MMP16: variants seen among roughly 807,000 people sequenced by gnomAD.
The protein encoded by MMP16 is matrix metallopeptidase 16, also known as matrix metalloproteinase-16.
Under a neutral mutation model 67.8 loss-of-function variants are expected in MMP16, and 12 were observed. That is an observed-to-expected ratio of 0.18 (90% CI 0.11 to 0.29). MMP16 has a LOEUF of 0.29. Among genes scored for constraint, MMP16 ranks in the 10% least tolerant of loss-of-function variants. MMP16 has a pLI of 1.00. For missense variants in MMP16, 475 were observed against 765.7 expected (o/e 0.62, Z 4.48); for synonymous variants, 249 against 255.9 (o/e 0.97, Z 0.26).
intron 1 of MMP16, among the ~76,000 whole-genome samples, chr8:88,242,915 C>T (rs1194381033): frequency 6.6e-6 from 1 of 152,046 alleles, no homozygotes; most frequent in Non-Finnish European, 1.5e-5. Context: ...GCATATATTA[C>T]CAAGACACTA....
chr8:88,268,631 G>A (rs920781382), intron 1 of MMP16, among the ~76,000 whole-genome samples: 4 of 152,142 alleles, frequency 2.6e-5, no homozygotes, highest in Non-Finnish European at 4.4e-5. Flanking sequence ...TTTTTCCTTA[G>A]TAGCCAATAT....
chr8:88,294,866 C>T (rs1563587179), intron 1 of MMP16, among the ~76,000 whole-genome samples: 1 of 152,138 alleles, frequency 6.6e-6, no homozygotes, highest in Non-Finnish European at 1.5e-5. Flanking sequence ...GTGCCTGCCA[C>T]CATGCCTGGC....
Position 88,327,435 on chromosome 8 carries a change from G to A in MMP16, c.-229C>T. The A allele has an allele frequency of 3.9e-6, 2 of 507,804 alleles. No homozygotes were observed. Among genetic ancestry groups the A allele is most frequent in the South Asian group, 2.0e-5 (1 of 51,152 alleles). 31.5% of individuals were successfully genotyped at this position (507,804 alleles called of 1,614,324 possible). On this transcript the variant is annotated 5_prime_UTR_variant, in exon 1 of 10. Transcript: ENST00000286614. ...GTAGTTCCTGTTCACCATCCTCCGGGGTCAGTCACCGGGAACGTGGCGCCT... is the reference window on the plus strand; with the variant it reads ...GTAGTTCCTGTTCACCATCCTCCGGAGTCAGTCACCGGGAACGTGGCGCCT...
rs754009962 is a variant in MMP16 at position 88,116,476 on chromosome 8, T to C, written c.1083+31A>G. 3 of 1,568,738 alleles carry C rather than the reference T, an allele frequency of 1.9e-6. No homozygotes were observed. The African/African-American group carries it at 4.1e-5, about 22-fold the overall frequency. On this transcript the variant is annotated intron_variant, in intron 6 of 9. Transcript: ENST00000286614. Reference sequence around the variant, plus strand: ...AAGCAACACTAGACACTTGATCTACTGTTAAAAAAAAAAAAATCACAGTCT... The same window carrying C: ...AAGCAACACTAGACACTTGATCTACCGTTAAAAAAAAAAAAATCACAGTCT...
At chr8:88,052,514 C>T (rs972003012) in intron 8 of MMP16, among the ~76,000 whole-genome samples, 1 of 152,184 alleles carries the variant, frequency 6.6e-6, no homozygotes, top group African/African-American at 2.4e-5. Context: ...CCATTCTTCA[C>T]ATAGAAGCCA....
At chr8:88,303,240 T>A (rs1410589986) in intron 1 of MMP16, among the ~76,000 whole-genome samples, 1 of 152,078 alleles carries the variant, frequency 6.6e-6, no homozygotes, top group Non-Finnish European at 1.5e-5. Flanking sequence ...CCCACTTCCA[T>A]AGCACCTCAC....
chr8:88,325,404 T>A (rs1195320999), intron 1 of MMP16, among the ~76,000 whole-genome samples: 6 of 152,102 alleles, frequency 3.9e-5, no homozygotes, highest in Non-Finnish European at 2.9e-5. Context: ...CTTCCCTTAT[T>A]CAGAAAGACA....
chr8:88,266,827 G>T (rs1810484583), intron 1 of MMP16, among the ~76,000 whole-genome samples: 1 of 152,116 alleles, frequency 6.6e-6, no homozygotes, highest in Admixed American at 6.6e-5. Flanking sequence ...TTTATCTTTG[G>T]ATTTCAATCA....
chr8:88,081,552 C>T (rs949027371), intron 6 of MMP16, among the ~76,000 whole-genome samples: 6 of 151,954 alleles, frequency 3.9e-5, no homozygotes, highest in Admixed American at 3.9e-4. Context: ...AAGTTCCATA[C>T]CAGCCTGGGC....
chr8:88,149,303 C>T lies in MMP16; in HGVS notation c.709+18366G>A, dbSNP rs942803950. 4.4e-3 allele frequency among the ~76,000 whole-genome samples: 663 copies of T among 152,348 alleles called. 3 individuals are homozygous for T. Among genetic ancestry groups the T allele is most frequent in the Admixed American group, 7.0e-3 (107 of 15,306 alleles). ...TGGGTGAGGGGCGCCCGCCATTGCC[C>T]AGGCTTGCTTAGGTAAACAAAGCAG... On this transcript the variant is annotated intron_variant, in intron 4 of 9. Transcript: ENST00000286614.
chr8:88,324,353 C>T (rs912143391), intron 1 of MMP16, among the ~76,000 whole-genome samples: 3 of 152,000 alleles, frequency 2.0e-5, no homozygotes, highest in African/African-American at 7.2e-5. Flanking sequence ...AACATGAATA[C>T]CTCTAGCCAA....
chr8:88,106,799 T>TC (rs1809249673), intron 6 of MMP16, among the ~76,000 whole-genome samples: 1 of 151,310 alleles, frequency 6.6e-6, no homozygotes, highest in African/African-American at 2.4e-5. Flanking sequence ...TTTCTTTTTT[T>TC]CATTTATAAG....
chr8:88,168,590 T>C (rs537879882), intron 3 of MMP16, among the ~76,000 whole-genome samples: 4 of 152,324 alleles, frequency 2.6e-5, no homozygotes, highest in African/African-American at 9.6e-5. Flanking sequence ...AACTTGGACA[T>C]TATGTACTTT....
intron 7 of MMP16, chr8:88,069,135 T>C (rs1808508119): frequency 4.4e-6 from 1 of 228,928 alleles, no homozygotes; most frequent in Non-Finnish European, 8.6e-6. Flanking sequence ...GCACTGAATG[T>C]CAACATAAAT....
chr8:88,238,370 G>A (rs753448671), intron 1 of MMP16, among the ~76,000 whole-genome samples: 27 of 151,990 alleles, frequency 1.8e-4, no homozygotes, highest in Non-Finnish European at 3.1e-4. Flanking sequence ...AAAATTAGCC[G>A]GGTGCAGCCG....
intron 1 of MMP16, among the ~76,000 whole-genome samples, chr8:88,224,691 A>T (rs1026108991): frequency 6.6e-6 from 1 of 152,114 alleles, no homozygotes; most frequent in Middle Eastern, 3.4e-3. Context: ...CAAATTGTAA[A>T]CTCTACTTTT....
intron 6 of MMP16, among the ~76,000 whole-genome samples, chr8:88,114,738 G>A (rs558765330): frequency 3.3e-5 from 5 of 152,006 alleles, no homozygotes; most frequent in Non-Finnish European, 5.9e-5. Context: ...ATGAAAATTG[G>A]GCAGATTTTA....
At chr8:88,154,098 C>CA (rs1370283913) in intron 4 of MMP16, among the ~76,000 whole-genome samples, 3 of 135,714 alleles carry the variant, frequency 2.2e-5, no homozygotes, top group Admixed American at 1.5e-4. Context: ...TTTATGCAGC[C>CA]AAAAAACACA....
chr8:88,195,235 C>T (rs1390678035), intron 2 of MMP16, among the ~76,000 whole-genome samples: 1 of 152,150 alleles, frequency 6.6e-6, no homozygotes, highest in Non-Finnish European at 1.5e-5. Flanking sequence ...CTTCCAATGA[C>T]CAACAGGAGC....
Sources: gnomAD v4.1 joint callset for allele counts (sites outside exome capture counted in the v4.1 genomes callset) on GRCh38, gnomAD v4.1.1 for gene constraint, MANE v1.5 for transcripts, NCBI Gene and HGNC (gene_info 2026-07-23, HGNC 2026-07-21) for gene names.